The following JHY variants were observed in gnomAD, a reference collection of about 807,000 sequenced individuals.
JHY encodes junctional cadherin complex regulator.
Under a neutral mutation model 78.0 loss-of-function variants are expected in JHY, and 69 were observed. The ratio of observed to expected loss-of-function variants is 0.88; its 90% CI spans 0.73 to 1.08. The LOEUF (loss-of-function observed/expected upper bound fraction) is 1.08. Among genes scored for constraint, JHY ranks in the 50% least tolerant of loss-of-function variants. JHY has a pLI of 0.00. For synonymous variants in JHY, 368 were observed against 342.6 expected (o/e 1.07, Z -0.82); for missense variants, 944 against 927.8 (o/e 1.02, Z -0.23).
At chr11:122,908,006 C>A (rs1017344300) in intron 3 of JHY, among the ~76,000 whole-genome samples, 10 of 152,114 alleles carry the variant, frequency 6.6e-5, no homozygotes, top group South Asian at 2.1e-4. Context: ...CAGTGGTTCT[C>A]AGCCTTGGTT....
intron 5 of JHY, among the ~76,000 whole-genome samples, chr11:122,941,149 G>T (rs1157981427): frequency 6.6e-6 from 1 of 152,152 alleles, no homozygotes; most frequent in Non-Finnish European, 1.5e-5. Flanking sequence ...TTTTAGTAGG[G>T]AATGGAATTT....
intron 5 of JHY, among the ~76,000 whole-genome samples, chr11:122,938,832 G>A (rs1463516299): frequency 6.6e-6 from 1 of 151,854 alleles, no homozygotes; most frequent in African/African-American, 2.4e-5. Context: ...TTCTCTTGGT[G>A]GTCAGATTTA....
In JHY at chr11:122,935,638, G is replaced by C. The variant is rs1040413373; in HGVS notation, c.1634+563G>C. ...AGGGAGAGGAGGACAGAGGGACCCA[G>C]TCAAAAAACATCAGTGTGTTTGGGG... On this transcript the variant is annotated intron_variant, in intron 5 of 8. Transcript: ENST00000227349. This position sits in a 1 kb window ranked among gnomAD's most constrained non-coding sequence, Gnocchi z 4.5. 6.6e-6 allele frequency among the ~76,000 whole-genome samples: 1 copy of C among 152,116 alleles called. No individual in the cohort carries two copies. The highest frequency in any genetic ancestry group is 1.5e-5 in the Non-Finnish European group (1 of 68,038).
At chr11:122,945,025 C>G (rs909989633) in intron 5 of JHY, among the ~76,000 whole-genome samples, 1 of 152,062 alleles carries the variant, frequency 6.6e-6, no homozygotes, top group Non-Finnish European at 1.5e-5. Context: ...TCATCTCTTT[C>G]ATAAATAATG....
In JHY at chr11:122,928,946, C is replaced by T. The variant is rs577573348; in HGVS notation, c.978+3936C>T. On this transcript the variant is annotated intron_variant, in intron 4 of 8. Coordinates refer to ENST00000227349, the MANE Select transcript of JHY (RefSeq NM_024806.4). The stretch of plus-strand genomic sequence containing the variant: ...TACAGGCGTGAGCCAACACGCCTGG[C>T]CCATTTTTTCTTTTTAAGGCTGAGT... Among the ~76,000 whole-genome samples the T allele has an allele frequency of 8.3e-4, 125 of 149,768 alleles. 1 individual carries two copies. Among genetic ancestry groups the T allele is most frequent in the African/African-American group, 2.8e-3 (115 of 40,600 alleles).
chr11:122,938,008 C>T (rs1863792908), intron 5 of JHY, among the ~76,000 whole-genome samples: 1 of 124,654 alleles, frequency 8.0e-6, no homozygotes, highest in South Asian at 2.4e-4. Context: ...TGTATATAAT[C>T]TGTTTTTTTT....
At chr11:122,927,711 TTTTTC>T (rs1311440443) in intron 4 of JHY, among the ~76,000 whole-genome samples, 4 of 151,368 alleles carry the variant, frequency 2.6e-5, no homozygotes, top group Admixed American at 2.0e-4. Flanking sequence ...CCTGTGTTTC[TTTTTC>T]TTTTCTTTTC....
intron 6 of JHY, among the ~76,000 whole-genome samples, chr11:122,955,206 C>T (rs1041315685): frequency 2.6e-5 from 4 of 152,110 alleles, no homozygotes; most frequent in South Asian, 2.1e-4. Flanking sequence ...CTGCAACCTC[C>T]GCTTCCCGGG....
intron 6 of JHY, 81 bp from the exon 7 acceptor site, chr11:122,956,415 G>T (rs971595928): frequency 6.2e-5 from 73 of 1,179,524 alleles, no homozygotes; most frequent in Non-Finnish European, 9.0e-5. Context: ...ACTTTATGTG[G>T]CTATGACACC....
intron 6 of JHY, among the ~76,000 whole-genome samples, 191 bp from the exon 7 acceptor site, chr11:122,956,305 A>G (rs966444557): frequency 6.6e-6 from 1 of 152,234 alleles, no homozygotes; most frequent in Non-Finnish European, 1.5e-5. Context: ...ACGAATTACC[A>G]AAGAGACTAT....
At position 122,914,878 on chromosome 11, in the gene JHY, C is replaced by A. The variant is rs1249734454; in HGVS notation, c.865-10019C>A. On this transcript the variant is annotated intron_variant, in intron 3 of 8. Coordinates refer to ENST00000227349, the MANE Select transcript of JHY (RefSeq NM_024806.4). ...TCTGCTATTACTACAAGAGCACTTA[C>A]TTATGACAGCATAATTTCAGTTGAA... Among the ~76,000 whole-genome samples the A allele has an allele frequency of 2.0e-5, 3 of 152,134 alleles. No homozygotes were observed. In the East Asian group the frequency reaches 5.8e-4, roughly 29 times the overall value.
At chr11:122,930,827 G>T (rs576047507) in intron 4 of JHY, among the ~76,000 whole-genome samples, 1 of 152,160 alleles carries the variant, frequency 6.6e-6, no homozygotes, top group Non-Finnish European at 1.5e-5. Context: ...TCTTTTCCAG[G>T]TATCTTAGTC....
At position 122,885,845 on chromosome 11, in the gene JHY, TCAA is replaced by T; in HGVS notation, c.-4_-2del. ...ATCCCCTGTTAATTTTTTGCATTTT[TCAA>T]GATGAGTAAACGTAAACTAATTCCC... is the stretch of plus-strand genomic sequence containing the variant. On this transcript the variant is annotated 5_prime_UTR_variant, in exon 2 of 9. Coordinates refer to ENST00000227349, the MANE Select transcript of JHY (RefSeq NM_024806.4). 1 of 1,593,798 alleles carries T rather than the reference TCAA, an allele frequency of 6.3e-7. No individual in the cohort carries two copies.
At position 122,952,994 on chromosome 11, in the gene JHY, T is replaced by C. The variant is rs76191036; in HGVS notation, c.1930-3502T>C. ...TGGTAAAGGTTTTAAAATGTGAAAA[T>C]ACCCAGTATAATCAAGGTTTGGACA... On this transcript the variant is annotated intron_variant, in intron 6 of 8. Transcript: ENST00000227349. Among the ~76,000 whole-genome samples the C allele has an allele frequency of 3.9e-5, 6 of 152,302 alleles. No individual in the cohort carries two copies. The East Asian group carries it at 1.2e-3, about 29-fold the overall frequency.
intron 5 of JHY, among the ~76,000 whole-genome samples, chr11:122,936,539 C>T (rs1379776479): frequency 1.3e-5 from 2 of 151,724 alleles, no homozygotes; most frequent in Non-Finnish European, 2.9e-5. Flanking sequence ...CCTCCTATTC[C>T]TCTTTGCAAA....
intron 5 of JHY, among the ~76,000 whole-genome samples, chr11:122,937,141 C>A (rs1188402116): frequency 1.3e-5 from 2 of 151,612 alleles, no homozygotes; most frequent in African/African-American, 4.8e-5. Flanking sequence ...TCCTTTTATG[C>A]TGTCTTAAAA....
rs144048300 is a variant in JHY at position 122,934,355 on chromosome 11, A to T, written c.979-65A>T. 5,534 of 637,870 alleles carry T rather than the reference A, an allele frequency of 8.7e-3. 128 individuals carry two copies. Among genetic ancestry groups the T allele is most frequent in the South Asian group, 0.025 (351 of 13,890 alleles). 39.5% of individuals were successfully genotyped at this position (637,870 alleles called of 1,614,324 possible). A position where few individuals can be genotyped will look rare whatever the true frequency, so the allele number is the denominator to read the frequency against. On this transcript the variant is annotated intron_variant, in intron 4 of 8. Transcript: ENST00000227349. ...AAATAAATAAATAAATAAATAAATA[A>T]TAAAATAAAATTTGTGAAGAGTGCC... is the stretch of plus-strand genomic sequence containing the variant.
chr11:122,911,667 A>G (rs1424911974), intron 3 of JHY, among the ~76,000 whole-genome samples: 6 of 152,130 alleles, frequency 3.9e-5, no homozygotes, highest in Admixed American at 3.9e-4. Flanking sequence ...GCACTTTGGG[A>G]GGCCAAGGCA....
In JHY at chr11:122,890,326, T is replaced by C. The variant is rs750492549; in HGVS notation, c.344+4133T>C. Among the ~76,000 whole-genome samples, 14 of 152,198 alleles carry C rather than the reference T, an allele frequency of 9.2e-5. 1 individual carries two copies. The highest frequency in any genetic ancestry group is 1.3e-4 in the Non-Finnish European group (9 of 68,038). ...CCATTTTGAAGGATGCAAATGAAGC[T>C]TTAAAAGTTATATTATACCCATTCA... On this transcript the variant is annotated intron_variant, in intron 2 of 8. Transcript: ENST00000227349.
Sources: allele counts gnomAD v4.1 joint callset (sites outside exome capture counted in the v4.1 genomes callset), GRCh38; gene constraint gnomAD v4.1.1; non-coding constraint Gnocchi (gnomAD v3.1); transcripts MANE v1.5; gene names NCBI Gene and HGNC (gene_info 2026-07-23, HGNC 2026-07-21).